Variants in KLHL1 observed in about 807,000 individuals in gnomAD.
KLHL1 encodes kelch-like protein 1.
A neutral mutation model predicts 77.7 loss-of-function variants in KLHL1; 47 were observed. The ratio of observed to expected loss-of-function variants is 0.60; its 90% confidence interval spans 0.48 to 0.77. KLHL1 has a LOEUF of 0.77. Ranked by LOEUF, KLHL1 falls within the 30% of genes least tolerant of loss-of-function variation. The pLI is 0.00. For missense variants in KLHL1, 925 were observed against 910.8 expected, an observed-to-expected ratio of 1.02 and a Z score of -0.20; for synonymous variants, 360 against 325.2, an observed-to-expected ratio of 1.11 and a Z score of -1.15.
chr13:69,927,452 C>T (rs1339810154), intron 4 of KLHL1, among the ~76,000 whole-genome samples: 1 of 152,102 alleles, frequency 6.6e-6, no homozygotes, highest in Admixed American at 6.5e-5. Context: ...AAAACACTTT[C>T]TCATCAGGAA....
chr13:69,939,390 C>CACAT (rs1243271608), intron 4 of KLHL1, among the ~76,000 whole-genome samples: 15 of 124,178 alleles, frequency 1.2e-4, no homozygotes, highest in East Asian at 6.7e-4. Flanking sequence ...CACACACACA[C>CACAT]GCACACACAT....
intron 5 of KLHL1, among the ~76,000 whole-genome samples, chr13:69,847,472 A>G (rs7316942): frequency 0.94 from 141,305 of 151,088 alleles, 66,305 homozygotes; most frequent in East Asian, 0.99. Context: ...AAGCGCAGCA[A>G]TCACATCTAT....
At chr13:69,718,681 G>A (rs1872887576) in intron 9 of KLHL1, among the ~76,000 whole-genome samples, 2 of 151,994 alleles carry the variant, frequency 1.3e-5, no homozygotes, top group South Asian at 4.1e-4. Flanking sequence ...ATAGTTCTAA[G>A]TAACGCACAG....
chr13:70,026,355 A>G (rs1885940684), intron 1 of KLHL1, among the ~76,000 whole-genome samples: 1 of 152,146 alleles, frequency 6.6e-6, no homozygotes, highest in Non-Finnish European at 1.5e-5. Flanking sequence ...AAACAGTACT[A>G]CATATAGTTA....
intron 1 of KLHL1, among the ~76,000 whole-genome samples, chr13:70,053,084 T>C (rs1886666036): frequency 6.6e-6 from 1 of 151,902 alleles, no homozygotes; most frequent in African/African-American, 2.4e-5. Flanking sequence ...ACTGAAAAAT[T>C]AGATTGAAGG....
chr13:69,855,860 ATATATTATATAT>A (rs1879893258), intron 5 of KLHL1, among the ~76,000 whole-genome samples: 1 of 130,568 alleles, frequency 7.7e-6, no homozygotes, highest in African/African-American at 3.2e-5. Context: ...ATGTTATATA[ATATATTATATAT>A]TATATATGTT....
At chr13:69,949,401 G>T (rs183044394) in intron 3 of KLHL1, among the ~76,000 whole-genome samples, 1 of 151,590 alleles carries the variant, frequency 6.6e-6, no homozygotes, top group East Asian at 1.9e-4. Flanking sequence ...ATATTTTGCT[G>T]ATTATTAGAC....
At chr13:69,709,581 C>G (rs993984257) in intron 9 of KLHL1, among the ~76,000 whole-genome samples, 1 of 151,934 alleles carries the variant, frequency 6.6e-6, no homozygotes, top group African/African-American at 2.4e-5. Flanking sequence ...AGTGAGAACC[C>G]AAGCATTACC....
chr13:70,052,379 G>T (rs1273602006), intron 1 of KLHL1, among the ~76,000 whole-genome samples: 1 of 151,796 alleles, frequency 6.6e-6, no homozygotes, highest in African/African-American at 2.4e-5. Flanking sequence ...TCCAGTATTT[G>T]TGATAAGTGT....
chr13:69,917,840 AC>A (rs1272182316), intron 4 of KLHL1, among the ~76,000 whole-genome samples: 1 of 152,068 alleles, frequency 6.6e-6, no homozygotes, highest in Non-Finnish European at 1.5e-5. Context: ...TAACCACAAA[AC>A]ACTGTATTTT....
intron 1 of KLHL1, among the ~76,000 whole-genome samples, chr13:70,047,278 C>A: frequency 1.4e-5 from 2 of 147,172 alleles, no homozygotes. Context: ...TTTTGGTTAA[C>A]TGAAAAAAAA....
chr13:69,844,195 T>G (rs1879369778), intron 5 of KLHL1, among the ~76,000 whole-genome samples: 1 of 151,388 alleles, frequency 6.6e-6, no homozygotes, highest in Non-Finnish European at 1.5e-5. Context: ...TGCCCATAGA[T>G]GTACACATAA....
chr13:69,814,964 T>A (rs144628448), intron 6 of KLHL1, among the ~76,000 whole-genome samples: 13,943 of 152,020 alleles, frequency 0.092, 854 homozygotes, highest in Non-Finnish European at 0.14. Context: ...TGAGCCGAGA[T>A]CGCACCACTG....
At position 69,956,991 on chromosome 13, in the gene KLHL1, G is replaced by A. The variant is rs553721433; in HGVS notation, c.817+4317C>T. 2.0e-5 allele frequency among the ~76,000 whole-genome samples: 3 copies of A among 151,746 alleles called. No individual in the cohort carries two copies. The East Asian group carries it at 5.8e-4, about 29-fold the overall frequency. On this transcript the variant is annotated intron_variant, in intron 3 of 10. Coordinates refer to ENST00000377844, the MANE Select transcript of KLHL1 (RefSeq NM_020866.3). ...TTTGAACATAGAGTGATAAGATATTGTATGACCTAATTATCTTTTCATCTC... is the reference window on the plus strand; with the variant it reads ...TTTGAACATAGAGTGATAAGATATTATATGACCTAATTATCTTTTCATCTC...
intron 7 of KLHL1, among the ~76,000 whole-genome samples, chr13:69,764,809 T>C (rs1007432435): frequency 1.3e-5 from 2 of 152,050 alleles, no homozygotes; most frequent in African/African-American, 4.8e-5. Flanking sequence ...AAAGTATCTA[T>C]GTTCTTCAAA....
chr13:69,739,471 T>G (rs1215687546), intron 8 of KLHL1, among the ~76,000 whole-genome samples: 1 of 152,018 alleles, frequency 6.6e-6, no homozygotes, highest in Non-Finnish European at 1.5e-5. Context: ...CTGGATAGAG[T>G]CAAGATTCAT....
At chr13:69,990,578 C>T (rs1885004041) in intron 1 of KLHL1, among the ~76,000 whole-genome samples, 1 of 152,002 alleles carries the variant, frequency 6.6e-6, no homozygotes, top group Non-Finnish European at 1.5e-5. Context: ...CAAAGAAGGG[C>T]ATTACATAAT....
At chr13:69,845,918 T>C (rs1326706558) in intron 5 of KLHL1, among the ~76,000 whole-genome samples, 2 of 151,422 alleles carry the variant, frequency 1.3e-5, no homozygotes, top group Non-Finnish European at 3.0e-5. Context: ...AAAAAGTCAA[T>C]ATTTGAGGTT....
intron 1 of KLHL1, among the ~76,000 whole-genome samples, chr13:70,083,703 G>T (rs1887448041): frequency 6.6e-6 from 1 of 152,074 alleles, no homozygotes; most frequent in African/African-American, 2.4e-5. Flanking sequence ...GTTTTTAAAA[G>T]ATGATGTAAT....
Sources: allele counts gnomAD v4.1 joint callset (sites outside exome capture counted in the v4.1 genomes callset), GRCh38; gene constraint gnomAD v4.1.1; transcripts MANE v1.5; gene names NCBI Gene and HGNC (gene_info 2026-07-23, HGNC 2026-07-21).